The following CARMIL1 variants were observed in gnomAD, a reference collection of about 807,000 sequenced individuals.
CARMIL1 encodes capping protein regulator and myosin 1 linker 1.
CARMIL1 carries 90 observed loss-of-function variants against 177.1 expected under a neutral mutation model. The ratio of observed to expected loss-of-function variants is 0.51; its 90% CI spans 0.43 to 0.61. The LOEUF (loss-of-function observed/expected upper bound fraction) is 0.61. Ranked by LOEUF, CARMIL1 falls within the 20% of genes least tolerant of loss-of-function variation. CARMIL1 has a pLI of 0.00. For synonymous variants in CARMIL1, 577 were observed against 606.2 expected (o/e 0.95, Z 0.71); for missense variants, 1,380 against 1,667.0 (o/e 0.83, Z 3.00).
At chr6:25,557,926 A>G (rs753041747) in intron 29 of CARMIL1, among the ~76,000 whole-genome samples, 2 of 152,220 alleles carry the variant, frequency 1.3e-5, no homozygotes, top group Non-Finnish European at 2.9e-5. Flanking sequence ...AGCCTAATGT[A>G]TAATCCAAGA....
intron 5 of CARMIL1, among the ~76,000 whole-genome samples, chr6:25,441,640 C>T (rs1293417984): frequency 6.6e-6 from 1 of 152,002 alleles, no homozygotes; most frequent in Non-Finnish European, 1.5e-5. Context: ...TTAAAAATCA[C>T]CCCAACTCAA....
At position 25,315,265 on chromosome 6, in the gene CARMIL1, C is replaced by T. The variant is rs139170919; in HGVS notation, c.138+30356C>T. ...AGTCTATCCTGTTTAATCCTAGGAA[C>T]CCTGTGGTGTGGAGAGGTTTTCTCT... On this transcript the variant is annotated intron_variant, in intron 2 of 36. Transcript: ENST00000329474. Among the ~76,000 whole-genome samples, 2 of 152,302 alleles carry T rather than the reference C, an allele frequency of 1.3e-5. 1 individual carries two copies. Among genetic ancestry groups the T allele is most frequent in the East Asian group, 3.9e-4 (2 of 5,188 alleles).
chr6:25,430,645 C>T lies in CARMIL1; in HGVS notation c.249+4085C>T, dbSNP rs148914650. 3.2e-4 allele frequency among the ~76,000 whole-genome samples: 48 copies of T among 152,000 alleles called. No individual in the cohort carries two copies. The East Asian group carries it at 7.8e-3, about 25-fold the overall frequency. ...AGGGTTTCTCTGCATTGCCCAGGCT[C>T]GACTCGAACTTCTGAGCTCAAGCGA... On this transcript the variant is annotated intron_variant, in intron 4 of 36. Coordinates refer to ENST00000329474, the MANE Select transcript of CARMIL1 (RefSeq NM_017640.6).
chr6:25,421,923 T>C (rs1270083086), intron 3 of CARMIL1, among the ~76,000 whole-genome samples: 3 of 149,224 alleles, frequency 2.0e-5, no homozygotes, highest in Non-Finnish European at 3.0e-5. Context: ...CTAATGTAAA[T>C]GACGAGTTAA....
At chr6:25,607,996 G>C (rs1816145469) in intron 35 of CARMIL1, among the ~76,000 whole-genome samples, 1 of 152,216 alleles carries the variant, frequency 6.6e-6, no homozygotes, top group African/African-American at 2.4e-5. Context: ...TTTTCATGTA[G>C]AAGGAGTGGA....
chr6:25,566,383 C>G (rs993848991), intron 29 of CARMIL1, among the ~76,000 whole-genome samples: 1 of 152,210 alleles, frequency 6.6e-6, no homozygotes, highest in African/African-American at 2.4e-5. Context: ...GCCACTGGTG[C>G]TTTTCTTGCT....
At chr6:25,371,383 G>A (rs939776309) in intron 2 of CARMIL1, among the ~76,000 whole-genome samples, 3 of 152,034 alleles carry the variant, frequency 2.0e-5, no homozygotes, top group Admixed American at 6.5e-5. Flanking sequence ...CAGTGTATAA[G>A]TAAGTGTTCT....
chr6:25,328,478 C>A (rs1460101100), intron 2 of CARMIL1, among the ~76,000 whole-genome samples: 1 of 152,120 alleles, frequency 6.6e-6, no homozygotes, highest in East Asian at 1.9e-4. Flanking sequence ...TTCCTTTCTA[C>A]TTGGATATAT....
intron 24 of CARMIL1, among the ~76,000 whole-genome samples, chr6:25,529,861 A>G (rs1380730757): frequency 6.6e-6 from 1 of 152,030 alleles, no homozygotes; most frequent in Non-Finnish European, 1.5e-5. Context: ...ATACTGTAGT[A>G]CAGAATTAAA....
intron 8 of CARMIL1, among the ~76,000 whole-genome samples, chr6:25,458,078 A>G (rs900837440): frequency 6.6e-6 from 1 of 152,182 alleles, no homozygotes; most frequent in African/African-American, 2.4e-5. Flanking sequence ...TTAAATTCTT[A>G]TAGTCATACA....
chr6:25,488,209 T>C (rs931610360), intron 12 of CARMIL1, among the ~76,000 whole-genome samples: 1 of 152,208 alleles, frequency 6.6e-6, no homozygotes, highest in Non-Finnish European at 1.5e-5. Flanking sequence ...ATTAAAATCC[T>C]TTCTGTCCTT....
chr6:25,441,324 T>C (rs193211686), intron 5 of CARMIL1, among the ~76,000 whole-genome samples: 9 of 56,690 alleles, frequency 1.6e-4, no homozygotes, highest in South Asian at 7.4e-4. Context: ...AACAAACATA[T>C]ATATATATAT....
chr6:25,351,904 G>A lies in CARMIL1; in HGVS notation c.138+66995G>A, dbSNP rs181110146. ...AGCACTTCTCTGTGCTAGGAGTTAA[G>A]TCTGCCCCCAAAATCAGGAAACGGC... On this transcript the variant is annotated intron_variant, in intron 2 of 36. Transcript: ENST00000329474. Among the ~76,000 whole-genome samples the A allele has an allele frequency of 2.2e-3, 328 of 152,242 alleles. 2 individuals carry two copies. Among genetic ancestry groups the A allele is most frequent in the Non-Finnish European group, 2.5e-3 (173 of 67,998 alleles).
intron 2 of CARMIL1, among the ~76,000 whole-genome samples, chr6:25,347,145 T>C (rs972266420): frequency 6.6e-6 from 1 of 152,234 alleles, no homozygotes; most frequent in East Asian, 1.9e-4. Flanking sequence ...GGCACTGATA[T>C]CTGTCTATTG....
intron 4 of CARMIL1, among the ~76,000 whole-genome samples, chr6:25,429,700 A>G (rs1360229658): frequency 6.6e-6 from 1 of 151,720 alleles, no homozygotes; most frequent in African/African-American, 2.4e-5. Context: ...ATTTTGGCAA[A>G]TGTTTTTTCT....
At chr6:25,317,657 C>T (rs1271650814) in intron 2 of CARMIL1, among the ~76,000 whole-genome samples, 2 of 150,506 alleles carry the variant, frequency 1.3e-5, no homozygotes, top group Non-Finnish European at 2.9e-5. Flanking sequence ...GCCTCCACCT[C>T]CTGGGATCAA....
chr6:25,298,946 G>T (rs549938718), intron 2 of CARMIL1, among the ~76,000 whole-genome samples: 1 of 151,904 alleles, frequency 6.6e-6, no homozygotes, highest in East Asian at 1.9e-4. Context: ...TGGAGACAGG[G>T]TTTCTCCATG....
At chr6:25,424,057 G>A (rs1004456524) in intron 3 of CARMIL1, among the ~76,000 whole-genome samples, 12 of 152,106 alleles carry the variant, frequency 7.9e-5, no homozygotes, top group Admixed American at 3.3e-4. Context: ...TTGCTGTGAC[G>A]TCTTTCAGTA....
chr6:25,554,166 T>TG lies in CARMIL1; in HGVS notation c.2592+71dup. On this transcript the variant is annotated intron_variant, in intron 28 of 36. Coordinates refer to ENST00000329474, the MANE Select transcript of CARMIL1 (RefSeq NM_017640.6). This position sits in a 1 kb window ranked among gnomAD's most constrained non-coding sequence, Gnocchi z 4.6. ...TGCTGTGATGCAGGATGACTTCCGG[T>TG]GTGGGGATGTGATTTCTTTTCTGTA... The TG allele has an allele frequency of 9.6e-7, 1 of 1,045,918 alleles. No individual in the cohort carries two copies. The highest frequency in any genetic ancestry group is 1.5e-6 in the Non-Finnish European group (1 of 687,422). The allele number at this position is 1,045,918 out of a possible 1,614,324, so 64.8% of individuals were successfully genotyped here. A position where few individuals can be genotyped will look rare whatever the true frequency, so the allele number is the denominator to read the frequency against.
Sources: allele counts gnomAD v4.1 joint callset (sites outside exome capture counted in the v4.1 genomes callset), GRCh38; gene constraint gnomAD v4.1.1; non-coding constraint Gnocchi (gnomAD v3.1); transcripts MANE v1.5; gene names NCBI Gene and HGNC (gene_info 2026-07-23, HGNC 2026-07-21).